The following MBP variants were observed in gnomAD, a reference collection of about 807,000 sequenced individuals.
MBP encodes the protein myelin basic protein, also known as Golli-MBP.
Under a neutral mutation model 35.8 loss-of-function variants are expected in MBP, and 16 were observed. The observed-to-expected ratio is 0.45, with a 90% CI of 0.30 to 0.68. MBP has a LOEUF of 0.68. Among genes scored for constraint, MBP ranks in the 30% least tolerant of loss-of-function variants. The pLI, the probability that MBP is intolerant of heterozygous loss-of-function variation, is 0.08. For synonymous variants in MBP, 143 were observed against 159.6 expected, an observed-to-expected ratio of 0.90 and a Z score of 0.78; for missense variants, 380 against 404.7, an observed-to-expected ratio of 0.94 and a Z score of 0.52.
chr18:77,037,386 G>A (rs999007704), intron 3 of MBP, among the ~76,000 whole-genome samples: 5 of 152,252 alleles, frequency 3.3e-5, no homozygotes, highest in Admixed American at 6.5e-5. Flanking sequence ...CTGAGCAAGC[G>A]GCCAGACTTT....
intron 2 of MBP, among the ~76,000 whole-genome samples, chr18:77,089,487 C>T (rs140691926): frequency 2.3e-4 from 35 of 152,348 alleles, no homozygotes; most frequent in Middle Eastern, 3.4e-3. Flanking sequence ...AGGCACAAAA[C>T]GTGGCAGGAG....
At chr18:77,056,782 T>C (rs551254655) in intron 3 of MBP, among the ~76,000 whole-genome samples, 1 of 152,314 alleles carries the variant, frequency 6.6e-6, no homozygotes, top group East Asian at 1.9e-4. Context: ...CCCAGCAACC[T>C]GCAGCTGAGC....
Position 77,020,254 on chromosome 18 carries a change from G to A in MBP, c.140-2986C>T, listed in dbSNP as rs1227366051. On this transcript the variant is annotated intron_variant, in intron 3 of 8. Transcript: ENST00000355994. The surrounding 1 kb of genome is among the most constrained non-coding windows in gnomAD (Gnocchi z 4.1). ...AAGAAAGGTCTCTGGCCTGGGGTGG[G>A]GGAGTGGGGAGAGTGGCTGCAGGTG... Among the ~76,000 whole-genome samples the A allele has an allele frequency of 1.3e-5, 2 of 152,110 alleles. No homozygotes were observed.
chr18:77,012,778 A>C, intron 4 of MBP: 6 of 985,320 alleles, frequency 6.1e-6, no homozygotes, highest in Non-Finnish European at 4.8e-6. Context: ...TTCGCATGCA[A>C]TTAGTACACT....
At chr18:76,986,847 C>G in intron 7 of MBP, 1 of 985,408 alleles carries the variant, frequency 1.0e-6, no homozygotes, top group Non-Finnish European at 1.2e-6. Context: ...ACAATCTGCG[C>G]GGCCTTTCCT....
Position 77,020,327 on chromosome 18 carries a change from T to C in MBP, c.140-3059A>G, listed in dbSNP as rs1971941115. ...CAGGGAACCAGCGAACAGTTGAGAATGCATGCCTGCCAAGCGACCAAGAGT... is the reference window on the plus strand; with the variant it reads ...CAGGGAACCAGCGAACAGTTGAGAACGCATGCCTGCCAAGCGACCAAGAGT... On this transcript the variant is annotated intron_variant, in intron 3 of 8. Transcript: ENST00000355994. This position sits in a 1 kb window ranked among gnomAD's most constrained non-coding sequence, Gnocchi z 4.1. Among the ~76,000 whole-genome samples, 1 of 152,060 alleles carries C rather than the reference T, an allele frequency of 6.6e-6. No individual in the cohort carries two copies. The highest frequency in any genetic ancestry group is 1.5e-5 in the Non-Finnish European group (1 of 67,992).
intron 1 of MBP, chr18:77,127,163 C>G (rs1977077306): frequency 6.6e-6 from 1 of 152,196 alleles, no homozygotes. Flanking sequence ...AGACAGTGTG[C>G]TCTTGGCAGA....
chr18:76,999,951 T>C lies in MBP; in HGVS notation c.577-9891A>G, dbSNP rs1970541628. ...GATTAAAAGCGAGGAAGAGCTAGGA[T>C]GTCAGTTGCACTATAAAAGAAGAAA... On this transcript the variant is annotated intron_variant, in intron 4 of 8. Transcript: ENST00000355994. Among the ~76,000 whole-genome samples, 3 of 152,154 alleles carry C rather than the reference T, an allele frequency of 2.0e-5. No individual in the cohort carries two copies. In the South Asian group the frequency reaches 6.2e-4, roughly 32 times the overall value.
intron 4 of MBP, among the ~76,000 whole-genome samples, chr18:76,991,849 G>A (rs1308957105): frequency 9.9e-5 from 15 of 152,186 alleles, no homozygotes; most frequent in African/African-American, 3.6e-4. Context: ...TGATTGGGAG[G>A]ACCCCTTGTT....
intron 4 of MBP, among the ~76,000 whole-genome samples, chr18:76,997,933 C>T (rs529472733): frequency 6.4e-4 from 97 of 152,140 alleles, no homozygotes; most frequent in East Asian, 4.6e-3. Context: ...CCGCCCGCCT[C>T]GGCCTCCCAA....
rs190689769 is a variant in MBP, at chr18:77,111,039, G to A, written c.-25-5753C>T. On this transcript the variant is annotated intron_variant, in intron 1 of 8. Coordinates refer to ENST00000355994, the MANE Select transcript of MBP (RefSeq NM_001025101.2). ...AAAGCTGAGCTGGCTGTATTGCCTC[G>A]TGGCTGCTCCAGTCCTGTGCTAGAC... Among the ~76,000 whole-genome samples, 12 of 152,212 alleles carry A rather than the reference G, an allele frequency of 7.9e-5. No homozygotes were observed. In the East Asian group the frequency reaches 2.3e-3, roughly 29 times the overall value.
At chr18:77,088,414 A>G (rs1197563686) in intron 2 of MBP, among the ~76,000 whole-genome samples, 1 of 152,214 alleles carries the variant, frequency 6.6e-6, no homozygotes, top group Non-Finnish European at 1.5e-5. Context: ...GTTGGGTGCT[A>G]GGTACCAACG....
At chr18:77,014,594 A>C in intron 4 of MBP, 1 of 985,306 alleles carries the variant, frequency 1.0e-6, no homozygotes, top group Non-Finnish European at 1.2e-6. Context: ...CAAAACCAAA[A>C]ATTCCTCCAT....
At chr18:77,104,378 C>A (rs1976171915) in intron 2 of MBP, among the ~76,000 whole-genome samples, 1 of 152,140 alleles carries the variant, frequency 6.6e-6, no homozygotes, top group Admixed American at 6.6e-5. Context: ...CAGAGCATGA[C>A]CCCAAAGGAA....
At chr18:77,035,163 G>A (rs1972707529) in intron 3 of MBP, among the ~76,000 whole-genome samples, 1 of 152,174 alleles carries the variant, frequency 6.6e-6, no homozygotes, top group South Asian at 2.1e-4. Context: ...GGTTTCCTCT[G>A]CTTCTCCAGG....
At chr18:77,055,585 T>TTCTCTC (rs138095026) in intron 3 of MBP, among the ~76,000 whole-genome samples, 15,073 of 151,112 alleles carry the variant, frequency 0.1, 977 homozygotes, top group Non-Finnish European at 0.15. Context: ...TTCTCTTTCT[T>TTCTCTC]TCTCTCTCTC....
At chr18:77,107,001 G>T (rs1976300334) in intron 1 of MBP, among the ~76,000 whole-genome samples, 1 of 152,194 alleles carries the variant, frequency 6.6e-6, no homozygotes, top group Non-Finnish European at 1.5e-5. Flanking sequence ...GAAAGAAGGG[G>T]TGTGTTCCTT....
intron 1 of MBP, among the ~76,000 whole-genome samples, chr18:77,116,507 G>A (rs947470200): frequency 7.2e-5 from 11 of 152,194 alleles, no homozygotes; most frequent in South Asian, 2.1e-4. Context: ...CAGCATCGAC[G>A]GGGCGCTTAC....
rs1969486664 is a variant in MBP at position 76,985,342 on chromosome 18, C to T, written c.751-448G>A. 6.2e-6 allele frequency: 8 copies of T among 1,284,406 alleles called. No homozygotes were observed. In the East Asian group the frequency reaches 2.2e-4, roughly 36 times the overall value. The allele number at this position is 1,284,406 out of a possible 1,614,324, so 79.6% of individuals were successfully genotyped here. A position where few individuals can be genotyped will look rare whatever the true frequency, so the allele number is the denominator to read the frequency against. ...TGTAGGTGCCGGTCCCCGGAGGCCCCGGCCTGCGCCTTTGCTGGGGGCTCC... is the reference window on the plus strand; with the variant it reads ...TGTAGGTGCCGGTCCCCGGAGGCCCTGGCCTGCGCCTTTGCTGGGGGCTCC... On this transcript the variant is annotated intron_variant, in intron 7 of 8. Transcript: ENST00000355994.
Sources: gnomAD v4.1 joint callset for allele counts (sites outside exome capture counted in the v4.1 genomes callset) on GRCh38, gnomAD v4.1.1 for gene constraint, Gnocchi (gnomAD v3.1) non-coding constraint, MANE v1.5 for transcripts, NCBI Gene and HGNC (gene_info 2026-07-23, HGNC 2026-07-21) for gene names.